PLXDC2: variants seen among roughly 807,000 people sequenced by gnomAD.
The protein encoded by PLXDC2 is plexin domain-containing protein 2.
In PLXDC2, 40 loss-of-function variants were observed where a neutral mutation model predicts 68.9. That is an observed-to-expected ratio of 0.58 (90% CI 0.45 to 0.76). PLXDC2 has a LOEUF of 0.76. Ranked by LOEUF, PLXDC2 falls within the 30% of genes least tolerant of loss-of-function variation. The pLI is 0.00. For synonymous variants in PLXDC2, 243 were observed against 234.2 expected (o/e 1.04, Z -0.34); for missense variants, 644 against 661.9 (o/e 0.97, Z 0.30).
chr10:19,899,553 C>A (rs1010224051), intron 1 of PLXDC2, among the ~76,000 whole-genome samples: 1 of 152,044 alleles, frequency 6.6e-6, no homozygotes, highest in Non-Finnish European at 1.5e-5. Flanking sequence ...TCAGAAAGGA[C>A]CTTTGAAGCT....
At chr10:19,968,646 G>C (rs17687152) in intron 1 of PLXDC2, among the ~76,000 whole-genome samples, 7,961 of 152,250 alleles carry the variant, frequency 0.052, 269 homozygotes, top group Middle Eastern at 0.092. Context: ...TTGGGGCGGA[G>C]TGTCATTTTG....
At chr10:19,898,644 G>A (rs761039154) in intron 1 of PLXDC2, among the ~76,000 whole-genome samples, 4 of 152,042 alleles carry the variant, frequency 2.6e-5, no homozygotes, top group Admixed American at 6.6e-5. Context: ...TCTATTTGTC[G>A]GGGAAGCAGA....
chr10:20,196,149 T>C (rs1834834327), intron 9 of PLXDC2, among the ~76,000 whole-genome samples: 1 of 152,122 alleles, frequency 6.6e-6, no homozygotes, highest in South Asian at 2.1e-4. Flanking sequence ...CTTTTTCTCC[T>C]CCTTTCCTGG....
At chr10:20,127,930 G>A (rs552512483) in intron 4 of PLXDC2, among the ~76,000 whole-genome samples, 2 of 152,300 alleles carry the variant, frequency 1.3e-5, no homozygotes, top group South Asian at 4.1e-4. Context: ...CCTCTCTAGA[G>A]CAGAACAGAA....
chr10:20,149,949 G>A (rs550167114), intron 6 of PLXDC2, among the ~76,000 whole-genome samples: 5 of 152,190 alleles, frequency 3.3e-5, no homozygotes, highest in African/African-American at 1.2e-4. Context: ...TACTTTTTTA[G>A]AGTAGTTTTA....
intron 9 of PLXDC2, among the ~76,000 whole-genome samples, chr10:20,196,415 T>C (rs1172009916): frequency 2.0e-5 from 3 of 152,174 alleles, no homozygotes; most frequent in African/African-American, 7.2e-5. Context: ...CTAGGTGCCA[T>C]GGAGGGTATA....
intron 3 of PLXDC2, among the ~76,000 whole-genome samples, chr10:20,050,390 C>T (rs990859989): frequency 1.2e-4 from 19 of 152,034 alleles, no homozygotes; most frequent in Non-Finnish European, 1.5e-5. Flanking sequence ...AGAGCTTCTG[C>T]ACAGCAAAAG....
chr10:19,908,385 A>C (rs1833204974), intron 1 of PLXDC2, among the ~76,000 whole-genome samples: 1 of 152,188 alleles, frequency 6.6e-6, no homozygotes, highest in Admixed American at 6.5e-5. Flanking sequence ...TAATTGATCA[A>C]AATATCACAA....
chr10:20,251,153 T>G (rs1350546198), intron 13 of PLXDC2, among the ~76,000 whole-genome samples: 5 of 152,204 alleles, frequency 3.3e-5, no homozygotes, highest in African/African-American at 1.2e-4. Flanking sequence ...GCCTATTTTT[T>G]TTATTAACTT....
At chr10:20,171,241 T>C (rs1045094661) in intron 7 of PLXDC2, among the ~76,000 whole-genome samples, 2 of 152,174 alleles carry the variant, frequency 1.3e-5, no homozygotes, top group Admixed American at 1.3e-4. Flanking sequence ...TCGTTTGTTA[T>C]TTTCAAAGTT....
At chr10:20,005,916 G>C (rs1438727723) in intron 2 of PLXDC2, among the ~76,000 whole-genome samples, 1 of 152,128 alleles carries the variant, frequency 6.6e-6, no homozygotes, top group African/African-American at 2.4e-5. Context: ...TGGGCCAGGC[G>C]CAGTGGCTCA....
intron 6 of PLXDC2, among the ~76,000 whole-genome samples, chr10:20,154,306 T>C (rs11816965): frequency 0.053 from 8,011 of 152,258 alleles, 703 homozygotes; most frequent in African/African-American, 0.18. Flanking sequence ...GGCTCACGCC[T>C]GTGATCCCAG....
chr10:20,134,757 C>T (rs1398574291), intron 4 of PLXDC2, among the ~76,000 whole-genome samples: 1 of 152,050 alleles, frequency 6.6e-6, no homozygotes, highest in Non-Finnish European at 1.5e-5. Flanking sequence ...CCATGGGGGC[C>T]AGCCTGTAAC....
chr10:20,042,589 TTTTGTTTG>T (rs3050071), intron 2 of PLXDC2, among the ~76,000 whole-genome samples: 1,744 of 151,360 alleles, frequency 0.012, 13 homozygotes, highest in Non-Finnish European at 0.016. Context: ...ATTTGATCTT[TTTTGTTTG>T]TTTGTTTGTT....
At chr10:20,240,567 A>C (rs987913205) in intron 12 of PLXDC2, among the ~76,000 whole-genome samples, 8 of 152,140 alleles carry the variant, frequency 5.3e-5, no homozygotes, top group Admixed American at 1.3e-4. Context: ...ATATCAATGA[A>C]GTGCTCCCTG....
intron 4 of PLXDC2, among the ~76,000 whole-genome samples, chr10:20,125,989 A>C (rs1003012518): frequency 6.7e-6 from 1 of 148,596 alleles, no homozygotes; most frequent in African/African-American, 2.4e-5. Context: ...TGTGCTATAC[A>C]TACACACAAC....
Position 19,886,733 on chromosome 10 carries a change from C to G in PLXDC2, c.112+69542C>G, listed in dbSNP as rs955736749. 5.3e-5 allele frequency among the ~76,000 whole-genome samples: 8 copies of G among 152,146 alleles called. 1 individual carries two copies. The highest frequency in any genetic ancestry group is 5.9e-5 in the Non-Finnish European group (4 of 68,016). ...CTGGCACAAGACAGGGATGCCCTCT[C>G]TCACCACTCCTATTCAACATAGTGT... On this transcript the variant is annotated intron_variant, in intron 1 of 13. Coordinates refer to ENST00000377252, the MANE Select transcript of PLXDC2 (RefSeq NM_032812.9).
intron 4 of PLXDC2, among the ~76,000 whole-genome samples, chr10:20,101,485 C>A (rs1207416361): frequency 6.6e-6 from 1 of 152,188 alleles, no homozygotes; most frequent in Non-Finnish European, 1.5e-5. Context: ...TATTTCAAAT[C>A]TTGAAAGCTG....
intron 1 of PLXDC2, among the ~76,000 whole-genome samples, chr10:19,877,823 T>C (rs1224350001): frequency 6.6e-6 from 1 of 152,250 alleles, no homozygotes; most frequent in East Asian, 1.9e-4. Context: ...GCTTGAAGTA[T>C]ATTCTTTAAA....
Sources: gnomAD v4.1 joint callset for allele counts (sites outside exome capture counted in the v4.1 genomes callset) on GRCh38, gnomAD v4.1.1 for gene constraint, MANE v1.5 for transcripts, NCBI Gene and HGNC (gene_info 2026-07-23, HGNC 2026-07-21) for gene names.